CDH18: variants seen among roughly 807,000 people sequenced by gnomAD.
CDH18 encodes the protein cadherin 18, also known as cadherin-18.
In CDH18, 31 loss-of-function variants were observed where a neutral mutation model predicts 67.9. The observed-to-expected ratio is 0.46, with a 90% CI of 0.34 to 0.62. The LOEUF (loss-of-function observed/expected upper bound fraction) is 0.62. Ranked by LOEUF, CDH18 falls within the 20% of genes least tolerant of loss-of-function variation. CDH18 has a pLI of 0.01. For synonymous variants in CDH18, 362 were observed against 347.2 expected (o/e 1.04, Z -0.48); for missense variants, 890 against 975.5 (o/e 0.91, Z 1.17).
intron 2 of CDH18, among the ~76,000 whole-genome samples, chr5:20,204,804 T>A (rs1392613330): frequency 2.0e-5 from 3 of 151,946 alleles, no homozygotes; most frequent in Non-Finnish European, 4.4e-5. Flanking sequence ...TTTGTTCTTC[T>A]CTTTGTTCCT....
At chr5:19,721,982 C>A (rs549702978) in intron 4 of CDH18, among the ~76,000 whole-genome samples, 3 of 152,234 alleles carry the variant, frequency 2.0e-5, no homozygotes, top group East Asian at 3.9e-4. Context: ...CTTACACATT[C>A]TTTTTATTTA....
At chr5:20,317,961 T>A (rs1008274022) in intron 1 of CDH18, among the ~76,000 whole-genome samples, 13 of 152,196 alleles carry the variant, frequency 8.5e-5, no homozygotes, top group Non-Finnish European at 1.5e-5. Context: ...GCATAGTATA[T>A]TCTCTACTTG....
intron 2 of CDH18, among the ~76,000 whole-genome samples, chr5:19,901,521 G>A (rs1161398704): frequency 6.6e-6 from 1 of 152,018 alleles, no homozygotes; most frequent in Non-Finnish European, 1.5e-5. Context: ...ATAGTCCCAA[G>A]TTTCAAAAGG....
At chr5:19,728,704 A>T (rs188070486) in intron 4 of CDH18, among the ~76,000 whole-genome samples, 3 of 152,334 alleles carry the variant, frequency 2.0e-5, no homozygotes, top group Admixed American at 2.0e-4. Flanking sequence ...ATTGTTATGC[A>T]TGACTTGTCA....
At chr5:20,102,603 G>C (rs1454407046) in intron 2 of CDH18, among the ~76,000 whole-genome samples, 1 of 152,142 alleles carries the variant, frequency 6.6e-6, no homozygotes, top group Non-Finnish European at 1.5e-5. Context: ...GCAGAAGCTG[G>C]ATCTGATTGA....
chr5:20,501,825 C>T lies in CDH18; in HGVS notation c.-580+73637G>A, dbSNP rs945207666. Reference sequence around the variant, plus strand: ...CCTATTTACAAAATATTAAAGAACACTGAAGTTCTTTCTTGAAGAAGAACT... The same window carrying T: ...CCTATTTACAAAATATTAAAGAACATTGAAGTTCTTTCTTGAAGAAGAACT... On this transcript the variant is annotated intron_variant, in intron 1 of 14. Transcript: ENST00000507958. 6.6e-4 allele frequency among the ~76,000 whole-genome samples: 97 copies of T among 147,062 alleles called. 2 individuals are homozygous for T. Among genetic ancestry groups the T allele is most frequent in the East Asian group, 2.1e-4 (1 of 4,792 alleles).
intron 1 of CDH18, among the ~76,000 whole-genome samples, chr5:20,491,753 T>C (rs1451340457): frequency 6.6e-6 from 1 of 152,216 alleles, no homozygotes; most frequent in Non-Finnish European, 1.5e-5. Flanking sequence ...CTGATATAAA[T>C]GTAAATATCA....
At chr5:19,782,007 A>G (rs527986964) in intron 3 of CDH18, among the ~76,000 whole-genome samples, 4 of 152,186 alleles carry the variant, frequency 2.6e-5, no homozygotes, top group Non-Finnish European at 5.9e-5. Flanking sequence ...TCTATTTTCA[A>G]TTTAAGTGTT....
At chr5:19,732,807 CCTTTT>C (rs1485743875) in intron 4 of CDH18, among the ~76,000 whole-genome samples, 1 of 152,094 alleles carries the variant, frequency 6.6e-6, no homozygotes, top group Non-Finnish European at 1.5e-5. Context: ...TAGATTCTTT[CCTTTT>C]AACTGTTTTT....
chr5:19,704,799 A>G (rs1050701631), intron 5 of CDH18, among the ~76,000 whole-genome samples: 29 of 152,182 alleles, frequency 1.9e-4, no homozygotes, highest in African/African-American at 6.0e-4. Context: ...CTTTGTTATT[A>G]AGAAAAAATC....
At chr5:20,156,582 G>A (rs2126592618) in intron 2 of CDH18, among the ~76,000 whole-genome samples, 1 of 152,192 alleles carries the variant, frequency 6.6e-6, no homozygotes. Context: ...AGAAGGTGGG[G>A]CAGGGGGAGA....
intron 2 of CDH18, among the ~76,000 whole-genome samples, chr5:19,849,640 GCATATATATATAAA>G (rs1783433575): frequency 4.5e-5 from 1 of 22,020 alleles, no homozygotes; most frequent in South Asian, 2.4e-3. Flanking sequence ...ATATATACAC[GCATATATATATAAA>G]CATATATATA....
At chr5:20,539,749 C>CACAA (rs1402638592) in intron 1 of CDH18, among the ~76,000 whole-genome samples, 14 of 128,986 alleles carry the variant, frequency 1.1e-4, no homozygotes, top group African/African-American at 3.2e-4. Flanking sequence ...CACACACACA[C>CACAA]ACACACAAAC....
intron 9 of CDH18, among the ~76,000 whole-genome samples, chr5:19,535,891 A>G (rs1356499931): frequency 2.0e-5 from 3 of 152,202 alleles, no homozygotes; most frequent in Non-Finnish European, 2.9e-5. Flanking sequence ...GCAATGAATG[A>G]TTAGAGTTTC....
rs114484627 is a variant in CDH18, at chr5:20,270,912, T to A, written c.-579-15407A>T. Among the ~76,000 whole-genome samples the A allele has an allele frequency of 3.3e-3, 506 of 152,168 alleles. 4 individuals carry two copies. The highest frequency in any genetic ancestry group is 0.012 in the African/African-American group (482 of 41,528). On this transcript the variant is annotated intron_variant, in intron 1 of 14. Transcript: ENST00000507958. ...AAAACCAAATACCATATGTTCTCAC[T>A]TATAAGTAGGAGCTAAATGACGAAA...
intron 6 of CDH18, among the ~76,000 whole-genome samples, chr5:19,596,011 A>G (rs982963850): frequency 6.6e-6 from 1 of 152,224 alleles, no homozygotes; most frequent in African/African-American, 2.4e-5. Context: ...GCATGGGAAA[A>G]GCATGAGACC....
chr5:19,620,469 C>T (rs778274292), intron 5 of CDH18, among the ~76,000 whole-genome samples: 7 of 151,892 alleles, frequency 4.6e-5, no homozygotes, highest in African/African-American at 1.2e-4. Flanking sequence ...GGAATTTAGC[C>T]CTTGTAACTT....
At chr5:19,953,790 C>T (rs527957416) in intron 2 of CDH18, among the ~76,000 whole-genome samples, 1 of 151,988 alleles carries the variant, frequency 6.6e-6, no homozygotes, top group Non-Finnish European at 1.5e-5. Flanking sequence ...TGAATTGGAA[C>T]ACTAAATAAT....
At chr5:19,557,281 T>C (rs983984641) in intron 8 of CDH18, among the ~76,000 whole-genome samples, 12 of 152,102 alleles carry the variant, frequency 7.9e-5, no homozygotes, top group Admixed American at 2.0e-4. Flanking sequence ...TAATAGTACC[T>C]TACATCTCAA....
Sources: allele counts gnomAD v4.1 joint callset (sites outside exome capture counted in the v4.1 genomes callset), GRCh38; gene constraint gnomAD v4.1.1; transcripts MANE v1.5; gene names NCBI Gene and HGNC (gene_info 2026-07-23, HGNC 2026-07-21).